The following LRRTM4 variants were observed in gnomAD, a reference collection of about 807,000 sequenced individuals.
The protein encoded by LRRTM4 is leucine rich repeat transmembrane neuronal 4.
A neutral mutation model predicts 47.6 loss-of-function variants in LRRTM4; 25 were observed. The observed-to-expected ratio is 0.53, with a 90% confidence interval of 0.38 to 0.73. The LOEUF (loss-of-function observed/expected upper bound fraction) is 0.73. Ranked by LOEUF, LRRTM4 falls within the 30% of genes least tolerant of loss-of-function variation. LRRTM4 has a pLI of 0.00. For missense variants in LRRTM4, 638 were observed against 713.4 expected (o/e 0.89, Z 1.20); for synonymous variants, 311 against 269.5 (o/e 1.15, Z -1.51).
intron 3 of LRRTM4, among the ~76,000 whole-genome samples, chr2:77,427,285 T>G (rs1327271489): frequency 6.6e-6 from 1 of 152,162 alleles, no homozygotes; most frequent in Non-Finnish European, 1.5e-5. Context: ...CCTAGCTTTA[T>G]TCTTCTCTAG....
intron 3 of LRRTM4, among the ~76,000 whole-genome samples, chr2:77,027,272 T>C (rs973508929): frequency 6.6e-6 from 1 of 152,162 alleles, no homozygotes; most frequent in African/African-American, 2.4e-5. Flanking sequence ...GGGAAATAGA[T>C]GCTTTAATCT....
At chr2:77,097,460 C>G (rs777698035) in intron 3 of LRRTM4, among the ~76,000 whole-genome samples, 1 of 151,754 alleles carries the variant, frequency 6.6e-6, no homozygotes, top group African/African-American at 2.4e-5. Context: ...TGTGCCAATC[C>G]GTAAAATCAT....
At chr2:77,311,059 C>CAT (rs146036081) in intron 3 of LRRTM4, among the ~76,000 whole-genome samples, 10,592 of 150,378 alleles carry the variant, frequency 0.07, 591 homozygotes, top group African/African-American at 0.16. Flanking sequence ...TATACACACA[C>CAT]ATATATATAT....
chr2:77,367,796 A>G (rs1296193803), intron 3 of LRRTM4, among the ~76,000 whole-genome samples: 1 of 151,902 alleles, frequency 6.6e-6, no homozygotes, highest in Non-Finnish European at 1.5e-5. Context: ...TCAATCATTT[A>G]TAGACTCATT....
intron 3 of LRRTM4, among the ~76,000 whole-genome samples, chr2:76,841,567 A>C (rs1002320636): frequency 6.6e-6 from 1 of 151,918 alleles, no homozygotes; most frequent in African/African-American, 2.4e-5. Context: ...TAAATCCTTA[A>C]ATTTAAATGC....
In LRRTM4 at chr2:77,056,347, C is replaced by T. The variant is rs13417032; in HGVS notation, c.1552-307431G>A. Among the ~76,000 whole-genome samples the T allele has an allele frequency of 9.1e-3, 1,392 of 152,138 alleles. 20 individuals carry two copies. The highest frequency in any genetic ancestry group is 0.032 in the African/African-American group (1,318 of 41,510). ...AATTAAATTTGTATTTTCCACTAGA[C>T]TCAAAAGTATAGCACCTCTATACAT... On this transcript the variant is annotated intron_variant, in intron 3 of 3. Transcript: ENST00000409884.
chr2:76,749,253 A>G (rs931182579), intron 3 of LRRTM4, among the ~76,000 whole-genome samples: 23 of 152,200 alleles, frequency 1.5e-4, no homozygotes, highest in African/African-American at 5.1e-4. Flanking sequence ...ATTTGAATGT[A>G]GATCTTAACA....
intron 3 of LRRTM4, among the ~76,000 whole-genome samples, chr2:77,384,631 C>G (rs1320695738): frequency 6.6e-6 from 1 of 151,802 alleles, no homozygotes; most frequent in Admixed American, 6.6e-5. Flanking sequence ...TCATTGAAAA[C>G]TTGGATGTTC....
At position 76,976,960 on chromosome 2, in the gene LRRTM4, T is replaced by G. The variant is rs73940220; in HGVS notation, c.1552-228044A>C. Among the ~76,000 whole-genome samples the G allele has an allele frequency of 7.9e-3, 1,195 of 151,822 alleles. 12 individuals are homozygous for G. The highest frequency in any genetic ancestry group is 0.027 in the African/African-American group (1,136 of 41,472). On this transcript the variant is annotated intron_variant, in intron 3 of 3. Coordinates refer to ENST00000409884, the MANE Select transcript of LRRTM4 (RefSeq NM_001134745.3). ...AATATCACTCTACATCCCATAGATATGTACATTATGTGTCAACTAAAATTA... is the reference window on the plus strand; with the variant it reads ...AATATCACTCTACATCCCATAGATAGGTACATTATGTGTCAACTAAAATTA...
At chr2:77,250,475 A>C (rs1328071189) in intron 3 of LRRTM4, among the ~76,000 whole-genome samples, 1 of 152,116 alleles carries the variant, frequency 6.6e-6, no homozygotes. Flanking sequence ...AAACTTCTCT[A>C]AAGATAAAGT....
chr2:77,334,509 T>C (rs1671090041), intron 3 of LRRTM4, among the ~76,000 whole-genome samples: 1 of 152,156 alleles, frequency 6.6e-6, no homozygotes, highest in Non-Finnish European at 1.5e-5. Context: ...ACAATAATTT[T>C]CTGCACAAGC....
intron 3 of LRRTM4, among the ~76,000 whole-genome samples, chr2:77,381,991 T>C (rs1318819547): frequency 6.6e-6 from 1 of 152,098 alleles, no homozygotes; most frequent in Non-Finnish European, 1.5e-5. Context: ...AGCTATATGA[T>C]GCATTTTCAT....
intron 3 of LRRTM4, among the ~76,000 whole-genome samples, chr2:77,416,153 A>G (rs1335112217): frequency 6.6e-6 from 1 of 152,110 alleles, no homozygotes; most frequent in Admixed American, 6.6e-5. Flanking sequence ...GACACCATTT[A>G]TTCAACCTGC....
intron 3 of LRRTM4, among the ~76,000 whole-genome samples, chr2:76,868,064 C>T (rs528620644): frequency 1.3e-5 from 2 of 152,210 alleles, no homozygotes; most frequent in South Asian, 2.1e-4. Context: ...CTCAGATGTT[C>T]CGTCCTACAC....
At chr2:77,333,622 T>C (rs1671049523) in intron 3 of LRRTM4, among the ~76,000 whole-genome samples, 1 of 152,174 alleles carries the variant, frequency 6.6e-6, no homozygotes, top group Admixed American at 6.5e-5. Context: ...TCAGCCTAGA[T>C]TTCAGAGGAT....
At chr2:77,458,885 A>C (rs1250191680) in intron 3 of LRRTM4, among the ~76,000 whole-genome samples, 1 of 151,878 alleles carries the variant, frequency 6.6e-6, no homozygotes, top group African/African-American at 2.4e-5. Context: ...TGATTGCCAT[A>C]TTACGTACAC....
intron 3 of LRRTM4, among the ~76,000 whole-genome samples, chr2:77,479,164 G>C (rs1410375351): frequency 6.6e-6 from 1 of 152,068 alleles, no homozygotes; most frequent in Non-Finnish European, 1.5e-5. Flanking sequence ...CCAGAGTGCT[G>C]GGATTATAGG....
At chr2:77,422,041 T>C (rs1674917777) in intron 3 of LRRTM4, among the ~76,000 whole-genome samples, 1 of 152,210 alleles carries the variant, frequency 6.6e-6, no homozygotes, top group Admixed American at 6.5e-5. Flanking sequence ...CTATATCGTA[T>C]AGCCTATTAT....
chr2:76,928,150 G>T (rs994347112), intron 3 of LRRTM4, among the ~76,000 whole-genome samples: 14 of 152,074 alleles, frequency 9.2e-5, no homozygotes, highest in African/African-American at 3.4e-4. Context: ...GGAGCCATGT[G>T]GATGTGGAAA....
Sources: allele counts gnomAD v4.1 joint callset (sites outside exome capture counted in the v4.1 genomes callset), GRCh38; gene constraint gnomAD v4.1.1; transcripts MANE v1.5; gene names NCBI Gene and HGNC (gene_info 2026-07-23, HGNC 2026-07-21).